The following SYN2 variants were observed in gnomAD, a reference collection of about 807,000 sequenced individuals.
The protein encoded by SYN2 is synapsin II, also known as synapsin-2.
SYN2 carries 19 observed loss-of-function variants against 50.9 expected under a neutral mutation model. That is an observed-to-expected ratio of 0.37 (90% CI 0.26 to 0.55). SYN2 has a LOEUF of 0.55. Among genes scored for constraint, SYN2 ranks in the 20% least tolerant of loss-of-function variants. SYN2 has a pLI of 0.81. For synonymous variants in SYN2, 255 were observed against 224.9 expected, an observed-to-expected ratio of 1.13 and a Z score of -1.20; for missense variants, 587 against 576.4, an observed-to-expected ratio of 1.02 and a Z score of -0.19.
At chr3:12,100,196 G>A (rs1193733191) in intron 1 of SYN2, among the ~76,000 whole-genome samples, 1 of 152,030 alleles carries the variant, frequency 6.6e-6, no homozygotes, top group East Asian at 1.9e-4. Flanking sequence ...ATCTGAAAAA[G>A]GACAACTGGA....
chr3:12,073,776 G>A (rs971427737), intron 1 of SYN2, among the ~76,000 whole-genome samples: 1 of 152,072 alleles, frequency 6.6e-6, no homozygotes, highest in African/African-American at 2.4e-5. Context: ...GCCTTGGATC[G>A]ATTAATTTTT....
intron 3 of SYN2, 27 bp downstream of exon 3, chr3:12,142,023 A>C: frequency 1.3e-6 from 1 of 780,234 alleles, no homozygotes; most frequent in Non-Finnish European, 2.4e-6. Context: ...CCTCAGGATC[A>C]TTGTGACTGT....
At position 12,140,847 on chromosome 3, in the gene SYN2, A is replaced by G. The variant is rs539171554; in HGVS notation, c.435+139A>G. 10 of 680,596 alleles carry G rather than the reference A, an allele frequency of 1.5e-5. No homozygotes were observed. In the East Asian group the frequency reaches 2.2e-4, roughly 15 times the overall value. The allele number at this position is 680,596 out of a possible 1,614,324, so 42.2% of individuals were successfully genotyped here. A position where few individuals can be genotyped will look rare whatever the true frequency, so the allele number is the denominator to read the frequency against. On this transcript the variant is annotated intron_variant, in intron 2 of 12. Coordinates refer to ENST00000621198, the MANE Select transcript of SYN2 (RefSeq NM_133625.6). The stretch of plus-strand genomic sequence containing the variant: ...GGACTCTGCATCTCCTCTCTCTCCT[A>G]TCCTTTCCCCAGGACCTTTCTGTCT...
chr3:12,098,613 C>A, intron 1 of SYN2, among the ~76,000 whole-genome samples: 1 of 151,144 alleles, frequency 6.6e-6, no homozygotes, highest in Non-Finnish European at 1.5e-5. Context: ...GTAGAAAATG[C>A]AAATTTAGCA....
chr3:12,099,837 C>T (rs925132567), intron 1 of SYN2, among the ~76,000 whole-genome samples: 1 of 150,786 alleles, frequency 6.6e-6, no homozygotes, highest in African/African-American at 2.4e-5. Context: ...TAGTGGCGGG[C>T]GCCTGTAGTC....
chr3:12,071,263 A>G, intron 1 of SYN2: 1 of 556,358 alleles, frequency 1.8e-6, no homozygotes, highest in Non-Finnish European at 3.6e-6. Flanking sequence ...GTGGATCTGC[A>G]GCTCCATCCT....
intron 1 of SYN2, among the ~76,000 whole-genome samples, chr3:12,083,463 G>T (rs564664929): frequency 6.6e-6 from 1 of 152,224 alleles, no homozygotes; most frequent in African/African-American, 2.4e-5. Flanking sequence ...TGGAACTGCA[G>T]TGGTGAGGAA....
At chr3:12,070,781 G>C in intron 1 of SYN2, 1 of 656,432 alleles carries the variant, frequency 1.5e-6, no homozygotes, top group South Asian at 1.4e-5. Context: ...GACCTGGCTG[G>C]TGGGGACCTG....
At chr3:12,165,855 A>G (rs1697775192) in intron 7 of SYN2, among the ~76,000 whole-genome samples, 2 of 152,192 alleles carry the variant, frequency 1.3e-5, no homozygotes, top group South Asian at 4.1e-4. Context: ...CCTTTCCTGA[A>G]TTAGGTAGTG....
At position 12,027,380 on chromosome 3, in the gene SYN2, G is replaced by C. The variant is rs141644482; in HGVS notation, c.377+22452G>C. Among the ~76,000 whole-genome samples the C allele has an allele frequency of 4.6e-3, 694 of 152,174 alleles. 5 individuals carry two copies. The highest frequency in any genetic ancestry group is 0.016 in the African/African-American group (672 of 41,498). On this transcript the variant is annotated intron_variant, in intron 1 of 12. Transcript: ENST00000621198. ...TGAATTACATTAGGTTGGAAATCAG[G>C]TTTCTAATTAAACACATATGAAAGA...
At position 12,191,571 on chromosome 3, in the gene SYN2, T is replaced by C. The variant is rs574123741; in HGVS notation, c.*946T>C. Among the ~76,000 whole-genome samples, 1 of 152,176 alleles carries C rather than the reference T, an allele frequency of 6.6e-6. No homozygotes were observed. The highest frequency in any genetic ancestry group is 1.9e-4 in the East Asian group (1 of 5,178). Reference sequence around the variant, plus strand: ...GTGTGTGACTGCAGGTGTACATGTGTTTGCAAGTGTTTGAGAATGTGTCTG... The same window carrying C: ...GTGTGTGACTGCAGGTGTACATGTGCTTGCAAGTGTTTGAGAATGTGTCTG... On this transcript the variant is annotated 3_prime_UTR_variant, in exon 13 of 13. Coordinates refer to ENST00000621198, the MANE Select transcript of SYN2 (RefSeq NM_133625.6).
intron 1 of SYN2, among the ~76,000 whole-genome samples, chr3:12,123,617 A>AAC (rs371667951): frequency 7.2e-5 from 11 of 151,894 alleles, no homozygotes; most frequent in East Asian, 1.9e-4. Flanking sequence ...GAAAAACACA[A>AAC]ACACACACAC....
At chr3:12,170,113 C>T (rs1697906705) in intron 10 of SYN2, among the ~76,000 whole-genome samples, 1 of 152,194 alleles carries the variant, frequency 6.6e-6, no homozygotes, top group Non-Finnish European at 1.5e-5. Context: ...TCTCAGCAAT[C>T]TGCAATATCA....
At chr3:12,014,946 G>A (rs1693997133) in intron 1 of SYN2, among the ~76,000 whole-genome samples, 1 of 152,212 alleles carries the variant, frequency 6.6e-6, no homozygotes, top group African/African-American at 2.4e-5. Flanking sequence ...GAGATTTGGA[G>A]AACCAAAACA....
At chr3:12,173,372 C>T (rs972212234) in intron 10 of SYN2, among the ~76,000 whole-genome samples, 1 of 152,230 alleles carries the variant, frequency 6.6e-6, no homozygotes, top group African/African-American at 2.4e-5. Flanking sequence ...CCTGCTATCA[C>T]ATCCACCCAC....
At chr3:12,115,894 TAGTAC>T (rs1362109306) in intron 1 of SYN2, among the ~76,000 whole-genome samples, 9 of 152,306 alleles carry the variant, frequency 5.9e-5, no homozygotes, top group South Asian at 4.1e-4. Flanking sequence ...ACCCATCTCC[TAGTAC>T]AGCACCTCCT....
At chr3:12,140,504 C>T (rs989457314) in intron 1 of SYN2, 147 bp from the exon 2 acceptor site, 9 of 676,418 alleles carry the variant, frequency 1.3e-5, no homozygotes, top group Middle Eastern at 2.5e-4. Context: ...TTGTGGTGAT[C>T]TCATAGCAGA....
chr3:12,077,087 C>T (rs1265709882), intron 1 of SYN2, among the ~76,000 whole-genome samples: 1 of 151,998 alleles, frequency 6.6e-6, no homozygotes, highest in Non-Finnish European at 1.5e-5. Flanking sequence ...TGCAGGTTTG[C>T]GATGGGGCAA....
At chr3:12,160,906 A>G (rs1035494125) in intron 5 of SYN2, among the ~76,000 whole-genome samples, 2 of 152,134 alleles carry the variant, frequency 1.3e-5, no homozygotes, top group East Asian at 1.9e-4. Flanking sequence ...TCGCTCCCCT[A>G]AGGATCTCTC....
Sources: allele counts gnomAD v4.1 joint callset (sites outside exome capture counted in the v4.1 genomes callset), GRCh38; gene constraint gnomAD v4.1.1; transcripts MANE v1.5; gene names NCBI Gene and HGNC (gene_info 2026-07-23, HGNC 2026-07-21).